TGIF1: variants seen among roughly 807,000 people sequenced by gnomAD.
TGIF1 encodes the protein TGFB induced factor homeobox 1.
In TGIF1, 4 loss-of-function variants were observed where a neutral mutation model predicts 19.3. The observed-to-expected ratio is 0.21, with a 90% CI of 0.10 to 0.47. The LOEUF (loss-of-function observed/expected upper bound fraction) is 0.47. TGIF1 is among the 20% of genes least tolerant of loss of function. The probability of loss-of-function intolerance (pLI) is 0.98; values close to 1 mark genes in which losing one functional copy is unlikely to be tolerated. For synonymous variants in TGIF1, 122 were observed against 129.3 expected (o/e 0.94, Z 0.38); for missense variants, 275 against 341.4 (o/e 0.81, Z 1.53).
Position 3,453,686 on chromosome 18 carries a change from C to G in TGIF1, c.17-2668C>G, listed in dbSNP as rs1466286882. The G allele has an allele frequency of 2.7e-5, 7 of 260,096 alleles. No homozygotes were observed. The Admixed American group carries it at 9.8e-4, about 36-fold the overall frequency. 16.1% of individuals were successfully genotyped at this position (260,096 alleles called of 1,614,324 possible). On this transcript the variant is annotated intron_variant, in intron 1 of 2. Coordinates refer to ENST00000343820, the MANE Select transcript of TGIF1 (RefSeq NM_003244.4). ...GGGTGACAAGAGCGAAACTCTGTCT[C>G]AAAAAAAAAAAAAAAAAAAAAAGAA...
At position 3,451,467 on chromosome 18, in the gene TGIF1, C is replaced by T. The variant is rs1418141575; in HGVS notation, c.16+962C>T. On this transcript the variant is annotated intron_variant, in intron 1 of 2. Coordinates refer to ENST00000343820, the MANE Select transcript of TGIF1 (RefSeq NM_003244.4). This position sits in a 1 kb window ranked among gnomAD's most constrained non-coding sequence, Gnocchi z 5.4. Reference sequence around the variant, plus strand: ...GGTCCCCCGAGTGTTCCGCTGTGGGCTGGAGGTGGCGTTTCTGTCGTGATT... The same window carrying T: ...GGTCCCCCGAGTGTTCCGCTGTGGGTTGGAGGTGGCGTTTCTGTCGTGATT... 1.0e-6 allele frequency: 1 copy of T among 987,462 alleles called. No homozygotes were observed. The highest frequency in any genetic ancestry group is 1.7e-5 in the African/African-American group (1 of 57,478). 61.2% of individuals were successfully genotyped at this position (987,462 alleles called of 1,614,324 possible).
chr18:3,447,789 C>A (rs771811519), upstream of TGIF1: 4 of 1,614,106 alleles, frequency 2.5e-6, no homozygotes, highest in African/African-American at 4.0e-5. Context: ...AGCCTGACTT[C>A]TAGCCAAGGT....
chr18:3,428,514 G>C (rs948675301), intron 2 of TGIF1, among the ~76,000 whole-genome samples: 1 of 151,844 alleles, frequency 6.6e-6, no homozygotes, highest in African/African-American at 2.4e-5. Flanking sequence ...GAGGCGGGCA[G>C]ATCATGAGGT....
intron 1 of TGIF1, among the ~76,000 whole-genome samples, chr18:3,415,781 T>C (rs1036503220): frequency 6.6e-6 from 1 of 152,174 alleles, no homozygotes; most frequent in Non-Finnish European, 1.5e-5. Flanking sequence ...ATTTGTCCCC[T>C]GCATTGTGCT....
At chr18:3,423,472 C>A (rs146828374) in intron 2 of TGIF1, among the ~76,000 whole-genome samples, 2 of 152,016 alleles carry the variant, frequency 1.3e-5, no homozygotes, top group African/African-American at 2.4e-5. Context: ...GAGGTCAGGA[C>A]ATCGAGACCT....
At chr18:3,452,848 C>G (rs2083023481) in intron 1 of TGIF1, among the ~76,000 whole-genome samples, 1 of 152,148 alleles carries the variant, frequency 6.6e-6, no homozygotes, top group Admixed American at 6.5e-5. Context: ...CATTCCTGAG[C>G]CCGGGGTAAG....
chr18:3,437,657 T>C (rs1033880899), intron 2 of TGIF1, among the ~76,000 whole-genome samples: 7 of 152,220 alleles, frequency 4.6e-5, no homozygotes, highest in African/African-American at 1.7e-4. Flanking sequence ...ACGGAAGGGC[T>C]TGTATTTCTG....
At position 3,457,685 on chromosome 18, in the gene TGIF1, C is replaced by T. The variant is rs765311618; in HGVS notation, c.564C>T (p.Leu188=). The change falls in exon 3 of 3, where the codon CTC becomes CTT. Residue 188 remains leucine, a synonymous_variant. Coordinates refer to ENST00000343820, the MANE Select transcript of TGIF1 (RefSeq NM_003244.4). The surrounding 1 kb of genome is among the most constrained non-coding windows in gnomAD (Gnocchi z 4.9). ...CATTGAAAGATGTCCCTTTCTCTCT[C>T]TGCCAGTCGGTCGGTGTGGGACAAA... The part of the protein sequence containing the change: ...VTALKDVPFS[L]CQSVGVGQNT... 2 of 1,614,264 alleles carry T rather than the reference C, an allele frequency of 1.2e-6. No individual in the cohort carries two copies. The highest frequency in any genetic ancestry group is 2.2e-5 in the South Asian group (2 of 91,090).
intron 1 of TGIF1, chr18:3,455,468 T>C (rs1201556189): frequency 1.3e-5 from 2 of 152,226 alleles, no homozygotes; most frequent in Non-Finnish European, 2.9e-5. Flanking sequence ...CAGTTTCCTT[T>C]GTCATGTAAT....
chr18:3,432,684 G>A (rs2082564157), intron 2 of TGIF1, among the ~76,000 whole-genome samples: 1 of 152,054 alleles, frequency 6.6e-6, no homozygotes, highest in African/African-American at 2.4e-5. Context: ...GGAAAATAAT[G>A]GATCAAATCT....
upstream of TGIF1, among the ~76,000 whole-genome samples, chr18:3,446,933 T>G (rs1411351032): frequency 2.6e-5 from 4 of 152,220 alleles, no homozygotes; most frequent in African/African-American, 9.7e-5. Context: ...TCATGCTTTA[T>G]CAATTGTTGT....
At chr18:3,428,470 G>C (rs1216095575) in intron 2 of TGIF1, among the ~76,000 whole-genome samples, 1 of 151,954 alleles carries the variant, frequency 6.6e-6, no homozygotes, top group African/African-American at 2.4e-5. Flanking sequence ...TATGGTGGCG[G>C]CTCATGCCTG....
rs148600230 is a variant in TGIF1, at chr18:3,423,138, T to C, written c.-45+4923T>C. Among the ~76,000 whole-genome samples the C allele has an allele frequency of 4.0e-3, 602 of 152,338 alleles. 7 individuals are homozygous for C. The highest frequency in any genetic ancestry group is 0.014 in the African/African-American group (581 of 41,580). On this transcript the variant is annotated intron_variant, in intron 2 of 3. Transcript: ENST00000401449. ...GCAATAGGCCATACCATAAGCCTAA[T>C]GCATGTAGTCGGCTCTAAGTTTGTC...
At position 3,451,792 on chromosome 18, in the gene TGIF1, A is replaced by T. The variant is rs181375941; in HGVS notation, c.16+1287A>T. ...TCGTTGTTGGTAGAACGCCCTAAGGACCCCTCCCCGCGGGACGGAGGGAGG... is the reference window on the plus strand; with the variant it reads ...TCGTTGTTGGTAGAACGCCCTAAGGTCCCCTCCCCGCGGGACGGAGGGAGG... On this transcript the variant is annotated intron_variant, in intron 1 of 2. Coordinates refer to ENST00000343820, the MANE Select transcript of TGIF1 (RefSeq NM_003244.4). The surrounding 1 kb of genome is among the most constrained non-coding windows in gnomAD (Gnocchi z 5.4). 5.6e-4 allele frequency: 724 copies of T among 1,292,152 alleles called. No homozygotes were observed. Among genetic ancestry groups the T allele is most frequent in the Middle Eastern group, 1.2e-3 (4 of 3,378 alleles). The allele number at this position is 1,292,152 out of a possible 1,614,324, so 80.0% of individuals were successfully genotyped here.
chr18:3,416,185 A>C (rs2082329611), intron 1 of TGIF1, among the ~76,000 whole-genome samples: 1 of 152,210 alleles, frequency 6.6e-6, no homozygotes, highest in African/African-American at 2.4e-5. Flanking sequence ...AAAACATGGA[A>C]CCCTAAAATG....
upstream of TGIF1, among the ~76,000 whole-genome samples, chr18:3,445,440 G>C (rs976605391): frequency 1.3e-5 from 2 of 152,002 alleles, no homozygotes; most frequent in African/African-American, 4.8e-5. Context: ...AAAATGAGAA[G>C]AAGGCCGGGC....
At chr18:3,434,788 C>T (rs1168956332) in intron 2 of TGIF1, among the ~76,000 whole-genome samples, 1 of 152,120 alleles carries the variant, frequency 6.6e-6, no homozygotes, top group Admixed American at 6.6e-5. Flanking sequence ...TAGACAACAT[C>T]GAAGACTTCA....
At chr18:3,424,840 C>A (rs1459853399) in intron 2 of TGIF1, among the ~76,000 whole-genome samples, 1 of 152,154 alleles carries the variant, frequency 6.6e-6, no homozygotes, top group Non-Finnish European at 1.5e-5. Flanking sequence ...ATGCCTGGAG[C>A]GGGCACAGAA....
Position 3,451,620 on chromosome 18 carries a change from G to T in TGIF1, c.16+1115G>T. ...ATTCTTTCAGACCCGGCCCGCTGCGGGGCGTTCCTGGGGGGTAGCCTCAAG... is the reference window on the plus strand; with the variant it reads ...ATTCTTTCAGACCCGGCCCGCTGCGTGGCGTTCCTGGGGGGTAGCCTCAAG... On this transcript the variant is annotated intron_variant, in intron 1 of 2. Transcript: ENST00000343820. This position sits in a 1 kb window ranked among gnomAD's most constrained non-coding sequence, Gnocchi z 5.4. The T allele has an allele frequency of 1.8e-6, 2 of 1,089,860 alleles. No homozygotes were observed. The highest frequency in any genetic ancestry group is 5.0e-5 in the Admixed American group (1 of 19,816). The allele number at this position is 1,089,860 out of a possible 1,614,324, so 67.5% of individuals were successfully genotyped here.
Sources: allele counts gnomAD v4.1 joint callset (sites outside exome capture counted in the v4.1 genomes callset), GRCh38; gene constraint gnomAD v4.1.1; non-coding constraint Gnocchi (gnomAD v3.1); transcripts MANE v1.5; gene names NCBI Gene and HGNC (gene_info 2026-07-23, HGNC 2026-07-21).